CD80: variants seen among roughly 807,000 people sequenced by gnomAD.
The protein encoded by CD80 is CD80 molecule, also known as T-lymphocyte activation antigen CD80.
A neutral mutation model predicts 27.1 loss-of-function variants in CD80; 13 were observed. The observed-to-expected ratio is 0.48, with a 90% CI of 0.31 to 0.76. The LOEUF (loss-of-function observed/expected upper bound fraction) is 0.76. Ranked by LOEUF, CD80 falls within the 30% of genes least tolerant of loss-of-function variation. The probability of loss-of-function intolerance (pLI) is 0.04; values close to 1 mark genes in which losing one functional copy is unlikely to be tolerated. For synonymous variants in CD80, 125 were observed against 125.5 expected (o/e 1.00, Z 0.03); for missense variants, 277 against 347.9 (o/e 0.80, Z 1.62).
chr3:119,525,860 GTATA>G (rs945926838), intron 6 of CD80, 111 bp from the exon 7 acceptor site: 39 of 140,998 alleles, frequency 2.8e-4, no homozygotes, highest in Middle Eastern at 3.7e-3. Flanking sequence ...AATTATATAT[GTATA>G]TATGTATATA....
At position 119,524,771 on chromosome 3, in the gene CD80, A is replaced by G. The variant is rs1352112897; in HGVS notation, c.*1017T>C. On this transcript the variant is annotated 3_prime_UTR_variant, in exon 7 of 7. Transcript: ENST00000264246. ...AGGAGTCATGAGTAACATGAACAGCAGTTGGCTATGTCTTTCCAGTTCTCT... is the reference window on the plus strand; with the variant it reads ...AGGAGTCATGAGTAACATGAACAGCGGTTGGCTATGTCTTTCCAGTTCTCT... The G allele has an allele frequency of 6.6e-6, 1 of 152,248 alleles. No homozygotes were observed. The highest frequency in any genetic ancestry group is 2.4e-5 in the African/African-American group (1 of 41,464). The allele number at this position is 152,248 out of a possible 1,614,324, so 9.4% of individuals were successfully genotyped here.
intron 2 of CD80, among the ~76,000 whole-genome samples, chr3:119,547,704 C>T (rs893567483): frequency 1.5e-4 from 23 of 152,270 alleles, no homozygotes; most frequent in African/African-American, 3.4e-4. Context: ...AGAGTAGAAC[C>T]GGGTTGTCAC....
chr3:119,548,753 C>G lies in CD80; in HGVS notation c.101-3886G>C, dbSNP rs374773779. Among the ~76,000 whole-genome samples, 66 of 152,254 alleles carry G rather than the reference C, an allele frequency of 4.3e-4. No individual in the cohort carries two copies. The East Asian group carries it at 7.1e-3, about 16-fold the overall frequency. On this transcript the variant is annotated intron_variant, in intron 2 of 6. Coordinates refer to ENST00000264246, the MANE Select transcript of CD80 (RefSeq NM_005191.4). Reference sequence around the variant, plus strand: ...CCTTTTGCTATAAGAAACAGAGTCCCAGGCCGGGCATCATGGCTCAAGCCT... The same window carrying G: ...CCTTTTGCTATAAGAAACAGAGTCCGAGGCCGGGCATCATGGCTCAAGCCT...
rs575814719 is a variant in CD80, at chr3:119,535,491, A to G, written c.700+1646T>C. ...GATCAGCCGTACAATTTAAACAAGT[A>G]TTAATATTTTGAGCATCTCAGTTCA... On this transcript the variant is annotated intron_variant, in intron 4 of 6. Transcript: ENST00000264246. 9.2e-5 allele frequency among the ~76,000 whole-genome samples: 14 copies of G among 152,302 alleles called. No homozygotes were observed. The East Asian group carries it at 2.7e-3, about 29-fold the overall frequency.
At position 119,537,282 on chromosome 3, in the gene CD80, G is replaced by T. The variant is rs2082144620; in HGVS notation, c.555C>A (p.Ile185=). ...WLENGEELNA[I]NTTVSQDPET... ...CAGGATCTTGGGAAACTGTTGTGTT[G>T]ATGGCATTTAATTCTTCTCCATTTT... is the stretch of plus-strand genomic sequence containing the variant. Residue 185 remains isoleucine (I), a synonymous_variant, in exon 4 of 7, where the codon ATC becomes ATA. Transcript: ENST00000264246. 6.2e-7 allele frequency: 1 copy of T among 1,613,998 alleles called. No homozygotes were observed. The highest frequency in any genetic ancestry group is 1.3e-5 in the African/African-American group (1 of 74,900).
At chr3:119,558,167 G>A (rs2082274147) in intron 1 of CD80, among the ~76,000 whole-genome samples, 1 of 152,148 alleles carries the variant, frequency 6.6e-6, no homozygotes, top group Admixed American at 6.5e-5. Flanking sequence ...GATTTGGTTA[G>A]AAACAGGAGA....
intron 4 of CD80, among the ~76,000 whole-genome samples, chr3:119,536,902 G>A (rs1226164688): frequency 2.0e-5 from 3 of 152,200 alleles, no homozygotes; most frequent in Non-Finnish European, 4.4e-5. Context: ...TATGTGTTCA[G>A]TATGGTAACA....
rs2082054126 is a variant in CD80 at position 119,524,684 on chromosome 3, T to C, written c.*1104A>G. 6.6e-6 allele frequency: 1 copy of C among 152,258 alleles called. No homozygotes were observed. Among genetic ancestry groups the C allele is most frequent in the Non-Finnish European group, 1.5e-5 (1 of 68,038 alleles). The allele number at this position is 152,258 out of a possible 1,614,324, so 9.4% of individuals were successfully genotyped here. A position where few individuals can be genotyped will look rare whatever the true frequency, so the allele number is the denominator to read the frequency against. On this transcript the variant is annotated 3_prime_UTR_variant, in exon 7 of 7. Coordinates refer to ENST00000264246, the MANE Select transcript of CD80 (RefSeq NM_005191.4). ...CCAGATTTTCAGATGATAATGTGAT[T>C]ATCCCAGCTTAAGTTGCGTCCACTT...
chr3:119,533,849 A>G (rs1175535760), intron 4 of CD80, among the ~76,000 whole-genome samples: 1 of 152,102 alleles, frequency 6.6e-6, no homozygotes, highest in East Asian at 1.9e-4. Context: ...GACCTGTAAC[A>G]TTTCTATGTA....
chr3:119,558,051 G>A (rs1332671776), intron 1 of CD80, 123 bp from the exon 2 acceptor site: 1 of 179,294 alleles, frequency 5.6e-6, no homozygotes, highest in African/African-American at 2.4e-5. Flanking sequence ...CTAAAGCAGG[G>A]CGTGACCCTG....
At chr3:119,534,929 T>C (rs1196744180) in intron 4 of CD80, among the ~76,000 whole-genome samples, 2 of 152,186 alleles carry the variant, frequency 1.3e-5, no homozygotes, top group African/African-American at 4.8e-5. Context: ...TGGTGGCTCA[T>C]GCCTGTAATC....
At chr3:119,541,332 G>A (rs1173444389) in intron 3 of CD80, among the ~76,000 whole-genome samples, 1 of 152,190 alleles carries the variant, frequency 6.6e-6, no homozygotes, top group African/African-American at 2.4e-5. Flanking sequence ...AGCTGTTAAC[G>A]AATGTAGCTA....
Position 119,557,944 on chromosome 3 carries a change from A to G in CD80, c.-200-16T>C. 1 of 376,582 alleles carries G rather than the reference A, an allele frequency of 2.7e-6. No homozygotes were observed. The allele number at this position is 376,582 out of a possible 1,614,324, so 23.3% of individuals were successfully genotyped here. ...GTTTCACAGCCTGAAAAAGGAACAA[A>G]TAAAAGTCATTCAGGAAGGAAGGTG... On this transcript the variant is annotated splice_polypyrimidine_tract_variant and intron_variant, in intron 1 of 6. Transcript: ENST00000264246.
chr3:119,550,170 G>A (rs1387090567), intron 2 of CD80, among the ~76,000 whole-genome samples: 1 of 152,212 alleles, frequency 6.6e-6, no homozygotes, highest in Non-Finnish European at 1.5e-5. Flanking sequence ...GGTTATGTCA[G>A]ATATATAGCA....
chr3:119,555,972 G>A (rs2082262150), intron 2 of CD80, among the ~76,000 whole-genome samples: 1 of 152,180 alleles, frequency 6.6e-6, no homozygotes, highest in Non-Finnish European at 1.5e-5. Context: ...CCTTCCTGCA[G>A]CCCAGTCTGT....
At chr3:119,544,983 A>T (rs1192733389) in intron 2 of CD80, 116 bp from the exon 3 acceptor site, 1 of 762,670 alleles carries the variant, frequency 1.3e-6, no homozygotes, top group East Asian at 2.7e-5. Context: ...GTGACTAAGT[A>T]TCAATCCAGT....
chr3:119,556,461 C>G (rs559739792), intron 2 of CD80, among the ~76,000 whole-genome samples: 10 of 151,726 alleles, frequency 6.6e-5, no homozygotes, highest in African/African-American at 2.4e-4. Context: ...GAATGCTTCC[C>G]CAGCTCCCCA....
intron 2 of CD80, among the ~76,000 whole-genome samples, chr3:119,547,149 T>G (rs928529927): frequency 6.6e-6 from 1 of 152,224 alleles, no homozygotes; most frequent in African/African-American, 2.4e-5. Flanking sequence ...GTTGTTGGTA[T>G]AGAAAGAACA....
chr3:119,533,655 TC>T (rs2082121370), intron 4 of CD80, among the ~76,000 whole-genome samples: 1 of 152,196 alleles, frequency 6.6e-6, no homozygotes, highest in Non-Finnish European at 1.5e-5. Context: ...GCTGCTGCCA[TC>T]CACATAAGAC....
Sources: allele counts gnomAD v4.1 joint callset (sites outside exome capture counted in the v4.1 genomes callset), GRCh38; gene constraint gnomAD v4.1.1; transcripts MANE v1.5; gene names NCBI Gene and HGNC (gene_info 2026-07-23, HGNC 2026-07-21).